C6orf118: variants seen among roughly 807,000 people sequenced by gnomAD.
C6orf118 encodes the protein uncharacterized protein C6orf118.
In C6orf118, 50 loss-of-function variants were observed where a neutral mutation model predicts 50.2. That is an observed-to-expected ratio of 1.00 (90% CI 0.79 to 1.26). The LOEUF (loss-of-function observed/expected upper bound fraction) is 1.26. Ranked by LOEUF, C6orf118 falls within the 50% of genes most tolerant of loss-of-function variation. The pLI is 0.00. For synonymous variants in C6orf118, 239 were observed against 230.9 expected, an observed-to-expected ratio of 1.03 and a Z score of -0.32; for missense variants, 641 against 578.7, an observed-to-expected ratio of 1.11 and a Z score of -1.10.
intron 1 of C6orf118, among the ~76,000 whole-genome samples, chr6:165,307,545 G>A (rs1332509646): frequency 7.2e-6 from 1 of 139,352 alleles, no homozygotes; most frequent in Non-Finnish European, 1.5e-5. Context: ...ACGACAGAGT[G>A]AGACTGCCTC....
At position 165,286,384 on chromosome 6, in the gene C6orf118, C is replaced by A. The variant is rs542528125; in HGVS notation, c.1302+3502G>T. 2.0e-5 allele frequency among the ~76,000 whole-genome samples: 3 copies of A among 152,134 alleles called. No individual in the cohort carries two copies. In the Middle Eastern group the frequency reaches 0.01, roughly 517 times the overall value. On this transcript the variant is annotated intron_variant, in intron 7 of 8. Coordinates refer to ENST00000230301, the MANE Select transcript of C6orf118 (RefSeq NM_144980.4). ...GGAACTGGCACCATTTCTTCTGAAACGCTTCCAAACAATTGAAAAGGAGGG... is the reference window on the plus strand; with the variant it reads ...GGAACTGGCACCATTTCTTCTGAAAAGCTTCCAAACAATTGAAAAGGAGGG...
chr6:165,282,625 T>C (rs1001886627), intron 7 of C6orf118, among the ~76,000 whole-genome samples: 1 of 146,710 alleles, frequency 6.8e-6, no homozygotes, highest in African/African-American at 2.5e-5. Context: ...TGATACATTG[T>C]AAATCCTCAA....
At chr6:165,292,160 G>C (rs1048559885) in intron 6 of C6orf118, among the ~76,000 whole-genome samples, 8 of 152,246 alleles carry the variant, frequency 5.3e-5, no homozygotes, top group Admixed American at 3.3e-4. Context: ...AGTTCAAAGA[G>C]GCAAAAAGGA....
intron 8 of C6orf118, 23 bp from the exon 9 acceptor site, chr6:165,280,133 T>G (rs755699723): frequency 4.6e-6 from 7 of 1,516,646 alleles, no homozygotes; most frequent in South Asian, 3.6e-5. Context: ...AAGAAATGAA[T>G]ACCATAGGTT....
At chr6:165,309,077 G>C (rs1780847051) in intron 1 of C6orf118, among the ~76,000 whole-genome samples, 1 of 152,198 alleles carries the variant, frequency 6.6e-6, no homozygotes, top group East Asian at 1.9e-4. Context: ...AATAGCACCA[G>C]CCTTCAGGGT....
At chr6:165,285,338 T>C (rs1219267136) in intron 7 of C6orf118, among the ~76,000 whole-genome samples, 1 of 149,930 alleles carries the variant, frequency 6.7e-6, no homozygotes, top group East Asian at 2.0e-4. Context: ...ACCTACAAAG[T>C]CTCTAATAAT....
chr6:165,290,551 G>C lies in C6orf118; in HGVS notation c.1121-484C>G, dbSNP rs1194902944. Among the ~76,000 whole-genome samples the C allele has an allele frequency of 7.2e-5, 11 of 152,174 alleles. No homozygotes were observed. The East Asian group carries it at 2.1e-3, about 29-fold the overall frequency. ...AGAAGGGTTTTGGAAGGGAGCAGAAGACAGAATTTAGACATTGAGGGACAA... is the reference window on the plus strand; with the variant it reads ...AGAAGGGTTTTGGAAGGGAGCAGAACACAGAATTTAGACATTGAGGGACAA... On this transcript the variant is annotated intron_variant, in intron 6 of 8. Coordinates refer to ENST00000230301, the MANE Select transcript of C6orf118 (RefSeq NM_144980.4).
rs149874873 is a variant in C6orf118 at position 165,288,906 on chromosome 6, T to A, written c.1302+980A>T. On this transcript the variant is annotated intron_variant, in intron 7 of 8. Coordinates refer to ENST00000230301, the MANE Select transcript of C6orf118 (RefSeq NM_144980.4). ...CATACATTTACCTGTGTAACAAACC[T>A]CCACATCCTGCACATGTACCCTGGA... Among the ~76,000 whole-genome samples, 525 of 151,492 alleles carry A rather than the reference T, an allele frequency of 3.5e-3. 3 individuals carry two copies. The highest frequency in any genetic ancestry group is 6.3e-3 in the Non-Finnish European group (430 of 67,822).
Position 165,300,216 on chromosome 6 carries a change from G to T in C6orf118, c.876+148C>A, listed in dbSNP as rs550959365. On this transcript the variant is annotated intron_variant, in intron 3 of 8. Coordinates refer to ENST00000230301, the MANE Select transcript of C6orf118 (RefSeq NM_144980.4). Reference sequence around the variant, plus strand: ...ACAATTTACGTGCCTGCAGGCAGATGACCTCGAGTCTCTGGGAGTGATGGT... The same window carrying T: ...ACAATTTACGTGCCTGCAGGCAGATTACCTCGAGTCTCTGGGAGTGATGGT... 2.4e-5 allele frequency: 20 copies of T among 833,000 alleles called. No individual in the cohort carries two copies. In the East Asian group the frequency reaches 4.6e-4, roughly 19 times the overall value. The allele number at this position is 833,000 out of a possible 1,614,324, so 51.6% of individuals were successfully genotyped here.
chr6:165,300,012 C>T (rs1301764975), intron 3 of C6orf118, among the ~76,000 whole-genome samples: 1 of 152,160 alleles, frequency 6.6e-6, no homozygotes, highest in African/African-American at 2.4e-5. Flanking sequence ...TTGCAACAAA[C>T]CTATAATTCC....
intron 7 of C6orf118, among the ~76,000 whole-genome samples, chr6:165,288,633 A>C (rs562054921): frequency 1.3e-5 from 2 of 152,276 alleles, no homozygotes; most frequent in African/African-American, 4.8e-5. Context: ...TGTCCTTTGC[A>C]GGGGTATGGA....
intron 6 of C6orf118, among the ~76,000 whole-genome samples, chr6:165,291,858 T>C (rs1012398458): frequency 3.9e-5 from 6 of 152,270 alleles, no homozygotes; most frequent in African/African-American, 1.4e-4. Flanking sequence ...AAAAAACAAT[T>C]ACTACTTTTC....
Position 165,301,564 on chromosome 6 carries a change from C to T in C6orf118, c.753+5G>A. 6.2e-7 allele frequency: 1 copy of T among 1,608,014 alleles called. No homozygotes were observed. Among genetic ancestry groups the T allele is most frequent in the Non-Finnish European group, 8.5e-7 (1 of 1,177,168 alleles). ...CTGAGACCACCGCAGGGCTGCCCTC[C>T]TCACCTGCTGCAGCTTTCTCTCGTG... On this transcript the variant is annotated splice_donor_5th_base_variant and intron_variant, in intron 2 of 8. Transcript: ENST00000230301.
chr6:165,306,741 A>G (rs1214411087), intron 1 of C6orf118, among the ~76,000 whole-genome samples: 3 of 152,148 alleles, frequency 2.0e-5, no homozygotes, highest in Admixed American at 6.5e-5. Context: ...ATTTGAAGCC[A>G]TCAGCAAGTC....
intron 6 of C6orf118, among the ~76,000 whole-genome samples, chr6:165,290,315 G>A (rs1011136196): frequency 6.6e-6 from 1 of 152,110 alleles, no homozygotes. Context: ...TAGGTAGAAA[G>A]GTTCAATGGT....
chr6:165,306,111 T>A (rs1409100792), intron 1 of C6orf118, among the ~76,000 whole-genome samples: 1 of 62,644 alleles, frequency 1.6e-5, no homozygotes, highest in Admixed American at 1.9e-4. Flanking sequence ...TAAGAAAATG[T>A]GGCACATATA....
At chr6:165,302,769 A>G (rs1298357827) in intron 1 of C6orf118, among the ~76,000 whole-genome samples, 1 of 152,066 alleles carries the variant, frequency 6.6e-6, no homozygotes, top group African/African-American at 2.4e-5. Flanking sequence ...CCCCTCAATG[A>G]CCAATGGCAC....
intron 6 of C6orf118, 143 bp downstream of exon 6, chr6:165,293,270 G>C: frequency 1.3e-6 from 1 of 799,396 alleles, no homozygotes. Flanking sequence ...TGATGTGGGT[G>C]AATATGTTGA....
At chr6:165,306,900 TC>T (rs1259088046) in intron 1 of C6orf118, among the ~76,000 whole-genome samples, 1 of 149,676 alleles carries the variant, frequency 6.7e-6, no homozygotes, top group Non-Finnish European at 1.5e-5. Flanking sequence ...TTAATCATTT[TC>T]CCATCTGAAA....
Sources: gnomAD v4.1 joint callset for allele counts (sites outside exome capture counted in the v4.1 genomes callset) on GRCh38, gnomAD v4.1.1 for gene constraint, MANE v1.5 for transcripts, NCBI Gene and HGNC (gene_info 2026-07-23, HGNC 2026-07-21) for gene names.